The following ADGRV1 variants were observed in gnomAD, a reference collection of about 807,000 sequenced individuals.
ADGRV1 encodes the protein G-protein coupled receptor 98.
A neutral mutation model predicts 596.2 loss-of-function variants in ADGRV1; 359 were observed. The ratio of observed to expected loss-of-function variants is 0.60; its 90% CI spans 0.55 to 0.66. The LOEUF is 0.66. Among genes scored for constraint, ADGRV1 ranks in the 30% least tolerant of loss-of-function variants. The probability of loss-of-function intolerance (pLI) is 0.00; values close to 1 mark genes in which losing one functional copy is unlikely to be tolerated. For synonymous variants in ADGRV1, 2,681 were observed against 2,679.2 expected, an observed-to-expected ratio of 1.00 and a Z score of -0.02; for missense variants, 7,274 against 7,575.6, an observed-to-expected ratio of 0.96 and a Z score of 1.48.
At chr5:90,613,901 G>A (rs1160788353) in intron 1 of ADGRV1, among the ~76,000 whole-genome samples, 2 of 152,056 alleles carry the variant, frequency 1.3e-5, no homozygotes, top group Admixed American at 1.3e-4. Context: ...AAGCATTTTG[G>A]CTCATAGAGT....
At chr5:90,778,638 T>A in intron 63 of ADGRV1, 29 bp downstream of exon 63, 1 of 1,468,404 alleles carries the variant, frequency 6.8e-7, no homozygotes, top group Non-Finnish European at 9.1e-7. Flanking sequence ...AAGATTTTAA[T>A]ATCATTTTTA....
chr5:90,716,536 T>C lies in ADGRV1; in HGVS notation c.9254T>C (p.Phe3085Ser). 6.8e-6 allele frequency: 11 copies of C among 1,612,902 alleles called. No individual in the cohort carries two copies. The highest frequency in any genetic ancestry group is 8.5e-6 in the Non-Finnish European group (10 of 1,179,284). ...VLSFNNSEHFFLREPTALYVQ... is the reference protein window; with the variant it reads ...VLSFNNSEHFSLREPTALYVQ... ...TCATTTAACAACAGTGAGCACTTTT[T>C]CCTAAGAGAGCCAACAGCTCTCTAC... The change falls in exon 43 of 90, where the codon TTC (phenylalanine) becomes TCC (serine). Residue 3085 changes from phenylalanine to serine, a missense_variant. Coordinates refer to ENST00000405460, the MANE Select transcript of ADGRV1 (RefSeq NM_032119.4).
intron 1 of ADGRV1, among the ~76,000 whole-genome samples, chr5:90,589,200 A>C (rs1332450327): frequency 6.6e-6 from 1 of 152,186 alleles, no homozygotes; most frequent in Non-Finnish European, 1.5e-5. Context: ...AGGCAAAATA[A>C]TAAAAGAGGG....
At chr5:90,697,686 A>C (rs1747370269) in intron 34 of ADGRV1, among the ~76,000 whole-genome samples, 1 of 151,848 alleles carries the variant, frequency 6.6e-6, no homozygotes, top group Non-Finnish European at 1.5e-5. Context: ...CTTAAAAAAC[A>C]GTAATTTTCT....
chr5:90,678,256 A>G (rs924536379), intron 25 of ADGRV1, among the ~76,000 whole-genome samples: 3 of 152,058 alleles, frequency 2.0e-5, no homozygotes, highest in Non-Finnish European at 4.4e-5. Flanking sequence ...TATTGGTAGA[A>G]GCGTATACGT....
intron 22 of ADGRV1, 59 bp from the exon 23 acceptor site, chr5:90,673,995 C>G: frequency 8.0e-7 from 1 of 1,242,602 alleles, no homozygotes; most frequent in South Asian, 1.4e-5. Flanking sequence ...GAATTTTCTT[C>G]TAGTAAGTAA....
chr5:90,811,183 G>C lies in ADGRV1; in HGVS notation c.15923G>C (p.Arg5308Thr). The C allele has an allele frequency of 1.2e-6, 2 of 1,613,730 alleles. No individual in the cohort carries two copies. Among genetic ancestry groups the C allele is most frequent in the African/African-American group, 1.3e-5 (1 of 75,046 alleles). The part of the protein sequence containing the change: ...TLTLIFLDGE[R>T]ERKVSVQILD... ...ACCCTTATATTCCTAGATGGAGAAAGAGAACGTAAAGTATCAGTTCAAATT... is the reference window on the plus strand; with the variant it reads ...ACCCTTATATTCCTAGATGGAGAAACAGAACGTAAAGTATCAGTTCAAATT... Residue 5308 changes from arginine (R) to threonine (T), a missense_variant, in exon 74 of 90, where the codon AGA (arginine) becomes ACA (threonine). Physicochemically the swap from Arg to Thr is moderately conservative, Grantham distance 71. Transcript: ENST00000405460.
At chr5:90,841,774 C>T (rs967015674) in intron 78 of ADGRV1, among the ~76,000 whole-genome samples, 2 of 152,170 alleles carry the variant, frequency 1.3e-5, no homozygotes, top group East Asian at 1.9e-4. Context: ...TACATAATGA[C>T]CTTAAAATAC....
chr5:90,789,607 A>G, intron 68 of ADGRV1, 95 bp from the exon 69 acceptor site: 4 of 745,340 alleles, frequency 5.4e-6, no homozygotes, highest in Non-Finnish European at 8.2e-6. Flanking sequence ...TGTTTCTTTC[A>G]TTTCCTCAGC....
At chr5:91,111,986 GC>G (rs1453603240) in intron 87 of ADGRV1, among the ~76,000 whole-genome samples, 1 of 152,202 alleles carries the variant, frequency 6.6e-6, no homozygotes, top group Non-Finnish European at 1.5e-5. Flanking sequence ...ATGCCTCTCT[GC>G]CCCGTGTTCA....
intron 83 of ADGRV1, among the ~76,000 whole-genome samples, chr5:90,876,645 G>A (rs1769247168): frequency 6.6e-6 from 1 of 152,142 alleles, no homozygotes; most frequent in South Asian, 2.1e-4. Context: ...CTTTGTCAGG[G>A]TTAATTATTG....
At chr5:91,107,422 G>GTTTTGTTTTTGTTTTTGT (rs141924606) in intron 87 of ADGRV1, among the ~76,000 whole-genome samples, 15 of 150,564 alleles carry the variant, frequency 1.0e-4, no homozygotes, top group Non-Finnish European at 2.2e-4. Context: ...GTTTCGTTTT[G>GTTTTGTTTTTGTTTTTGT]TTTTGTTTTT....
intron 39 of ADGRV1, among the ~76,000 whole-genome samples, chr5:90,710,248 A>G (rs931767222): frequency 1.3e-5 from 2 of 152,240 alleles, no homozygotes; most frequent in African/African-American, 4.8e-5. Context: ...ATTAAAAACA[A>G]AAATCAAAAC....
At chr5:90,996,182 G>A (rs1390483138) in intron 85 of ADGRV1, among the ~76,000 whole-genome samples, 1 of 152,104 alleles carries the variant, frequency 6.6e-6, no homozygotes, top group East Asian at 1.9e-4. Context: ...ATGCCTCCTA[G>A]GCATTTCAGA....
intron 75 of ADGRV1, among the ~76,000 whole-genome samples, chr5:90,816,198 C>T (rs1762874585): frequency 6.6e-6 from 1 of 152,016 alleles, no homozygotes; most frequent in Non-Finnish European, 1.5e-5. Context: ...TGTTGGTCTC[C>T]CTTTGCCCTA....
At chr5:91,112,875 A>G (rs1047818000) in intron 87 of ADGRV1, among the ~76,000 whole-genome samples, 1 of 152,180 alleles carries the variant, frequency 6.6e-6, no homozygotes, top group Non-Finnish European at 1.5e-5. Context: ...GTAAAAATAT[A>G]TGTGTATAAA....
At chr5:90,970,441 G>A (rs190477329) in intron 84 of ADGRV1, among the ~76,000 whole-genome samples, 52 of 152,272 alleles carry the variant, frequency 3.4e-4, no homozygotes, top group Middle Eastern at 6.8e-3. Flanking sequence ...GTGGGTCTCT[G>A]ACCCCCAAGT....
chr5:91,057,290 TAAAG>T (rs1786971609), intron 85 of ADGRV1, among the ~76,000 whole-genome samples: 1 of 152,090 alleles, frequency 6.6e-6, no homozygotes, highest in Admixed American at 6.5e-5. Context: ...AGAAAAAAAA[TAAAG>T]AAAAGAACAA....
Position 90,778,887 on chromosome 5 carries a change from C to A in ADGRV1, c.12872C>A (p.Ser4291Tyr). 6.2e-7 allele frequency: 1 copy of A among 1,612,676 alleles called. No homozygotes were observed. Among genetic ancestry groups the A allele is most frequent in the Non-Finnish European group, 8.5e-7 (1 of 1,178,968 alleles). ...TAGGTTAACATCACAATCATCCGTTCCAGTGGAGATTTTGGCCATGTGCGA... is the reference window on the plus strand; with the variant it reads ...TAGGTTAACATCACAATCATCCGTTACAGTGGAGATTTTGGCCATGTGCGA... ...AQRVNITIIR[S>Y]SGDFGHVRLW... The change falls in exon 64 of 90, where the codon TCC becomes TAC. Residue 4291 changes from serine to tyrosine, a missense_variant. Ser to Tyr is a moderately radical substitution (Grantham distance 144). Coordinates refer to ENST00000405460, the MANE Select transcript of ADGRV1 (RefSeq NM_032119.4).
Sources: gnomAD v4.1 joint callset for allele counts (sites outside exome capture counted in the v4.1 genomes callset) on GRCh38, gnomAD v4.1.1 for gene constraint, MANE v1.5 for transcripts, NCBI Gene and HGNC (gene_info 2026-07-23, HGNC 2026-07-21) for gene names.